The following ADAP1 variants were observed in gnomAD, a reference collection of about 807,000 sequenced individuals.
ADAP1 encodes arf-GAP with dual PH domain-containing protein 1.
Under a neutral mutation model 54.9 loss-of-function variants are expected in ADAP1, and 31 were observed. The ratio of observed to expected loss-of-function variants is 0.56; its 90% CI spans 0.42 to 0.76. The LOEUF (loss-of-function observed/expected upper bound fraction) is 0.76. Ranked by LOEUF, ADAP1 falls within the 30% of genes least tolerant of loss-of-function variation. ADAP1 has a pLI of 0.00. For synonymous variants in ADAP1, 313 were observed against 202.6 expected, an observed-to-expected ratio of 1.55 and a Z score of -4.63; for missense variants, 535 against 512.4, an observed-to-expected ratio of 1.04 and a Z score of -0.42.
chr7:916,708 G>A lies in ADAP1; in HGVS notation c.388+3260C>T, dbSNP rs531029766. Among the ~76,000 whole-genome samples, 10 of 152,294 alleles carry A rather than the reference G, an allele frequency of 6.6e-5. No individual in the cohort carries two copies. The East Asian group carries it at 1.9e-3, about 29-fold the overall frequency. On this transcript the variant is annotated intron_variant, in intron 4 of 10. Transcript: ENST00000265846. ...GAAGAAATTGCTGTCTGGGTAGACAGTAATTGAATCAGCGCCTGCACAGGC... is the reference window on the plus strand; with the variant it reads ...GAAGAAATTGCTGTCTGGGTAGACAATAATTGAATCAGCGCCTGCACAGGC...
In ADAP1 at chr7:940,330, T is replaced by TCACACACA. The variant is rs56715852; in HGVS notation, c.83-4833_83-4826dup. Among the ~76,000 whole-genome samples the TCACACACA allele has an allele frequency of 2.6e-3, 371 of 140,722 alleles. 3 individuals are homozygous for TCACACACA. Among genetic ancestry groups the TCACACACA allele is most frequent in the African/African-American group, 7.3e-3 (268 of 36,954 alleles). 92.3% of individuals were successfully genotyped at this position (140,722 alleles called of 152,430 possible). A position where few individuals can be genotyped will look rare whatever the true frequency, so the allele number is the denominator to read the frequency against. Reference sequence around the variant, plus strand: ...TCCAGCCTGGGTGTCACAGACCCTGTCACACACACACACACACACACACAC... The same window carrying TCACACACA: ...TCCAGCCTGGGTGTCACAGACCCTGTCACACACACACACACACACACACACACACACAC... On this transcript the variant is annotated intron_variant, in intron 1 of 10. Transcript: ENST00000265846.
chr7:929,184 C>T (rs1034537212), intron 2 of ADAP1, among the ~76,000 whole-genome samples: 3 of 151,498 alleles, frequency 2.0e-5, no homozygotes, highest in Admixed American at 6.6e-5. Context: ...CCCAGCTACT[C>T]GGGAGGCTGA....
At chr7:923,965 C>T (rs1474323711) in intron 3 of ADAP1, among the ~76,000 whole-genome samples, 1 of 152,112 alleles carries the variant, frequency 6.6e-6, no homozygotes, top group African/African-American at 2.4e-5. Flanking sequence ...ACGTTTGGGC[C>T]CCACGAGCCA....
intron 2 of ADAP1, 198 bp downstream of exon 2, chr7:935,177 G>A: frequency 1.3e-6 from 1 of 773,312 alleles, no homozygotes; most frequent in Non-Finnish European, 2.2e-6. Context: ...GTTGGACCCG[G>A]CACGGGGTGG....
chr7:915,055 G>A (rs1479815608), intron 4 of ADAP1, among the ~76,000 whole-genome samples: 1 of 53,124 alleles, frequency 1.9e-5, no homozygotes, highest in Non-Finnish European at 3.6e-5. Context: ...CGTGCCTGGT[G>A]CCTCCTGCGC....
rs142465805 is a variant in ADAP1, at chr7:899,331, C to T, written c.868-70G>A. ...GCCCCGCTTCACTCAGGCCAGGACT[C>T]GGGAGGCCACCCGCCCTCCTGGTCA... On this transcript the variant is annotated intron_variant, in intron 9 of 10. Coordinates refer to ENST00000265846, the MANE Select transcript of ADAP1 (RefSeq NM_006869.4). 1.8e-3 allele frequency: 2,822 copies of T among 1,604,980 alleles called. 9 individuals carry two copies. The highest frequency in any genetic ancestry group is 1.8e-3 in the Non-Finnish European group (2,138 of 1,174,062).
At chr7:904,075 G>T (rs116145502) in intron 6 of ADAP1, 51 bp downstream of exon 6, 57 of 1,601,568 alleles carry the variant, frequency 3.6e-5, no homozygotes, top group Non-Finnish European at 4.5e-5. Flanking sequence ...ACCCGGGCCT[G>T]AGGGCCCACC....
At chr7:907,883 C>CTG (rs1562916780) in intron 4 of ADAP1, among the ~76,000 whole-genome samples, 1 of 151,874 alleles carries the variant, frequency 6.6e-6, no homozygotes, top group Non-Finnish European at 1.5e-5. Context: ...GCCGCCTCTC[C>CTG]GGAGGTCGCG....
At chr7:904,569 G>A (rs1432518425) in intron 5 of ADAP1, among the ~76,000 whole-genome samples, 1 of 152,156 alleles carries the variant, frequency 6.6e-6, no homozygotes, top group Admixed American at 6.5e-5. Context: ...GCTCCCACAG[G>A]GGCAGGCCCC....
chr7:905,360 G>A (rs1159510719), intron 4 of ADAP1, 188 bp from the exon 5 acceptor site: 1 of 100,726 alleles, frequency 9.9e-6, no homozygotes, highest in Admixed American at 1.8e-4. Context: ...GATGGGCAGG[G>A]AAAGGGAAAG....
chr7:905,230 G>C, intron 4 of ADAP1, 58 bp from the exon 5 acceptor site: 2 of 1,343,484 alleles, frequency 1.5e-6, no homozygotes, highest in East Asian at 2.6e-5. Context: ...GAAACAAAAG[G>C]AGTGACGATG....
intron 3 of ADAP1, among the ~76,000 whole-genome samples, chr7:921,713 T>C (rs1583163690): frequency 6.6e-6 from 1 of 152,208 alleles, no homozygotes; most frequent in Admixed American, 6.5e-5. Context: ...GCTCCGGCTG[T>C]GTGACCACGG....
chr7:924,864 C>T (rs76293507), intron 3 of ADAP1, among the ~76,000 whole-genome samples: 3,000 of 152,240 alleles, frequency 0.02, 96 homozygotes, highest in African/African-American at 0.066. Flanking sequence ...TTAAAAATAG[C>T]TGTGCTGGGG....
intron 3 of ADAP1, among the ~76,000 whole-genome samples, chr7:922,153 A>G (rs1180953684): frequency 2.0e-5 from 3 of 152,106 alleles, no homozygotes; most frequent in Non-Finnish European, 4.4e-5. Flanking sequence ...GGCCGCACTG[A>G]CACCCCACGT....
chr7:902,417 C>T (rs1054605446), intron 6 of ADAP1, among the ~76,000 whole-genome samples: 5 of 145,950 alleles, frequency 3.4e-5, no homozygotes, highest in African/African-American at 1.3e-4. Context: ...GAGATTGCAC[C>T]ACTGCACTCC....
rs1012010048 is a variant in ADAP1 at position 938,927 on chromosome 7, A to G, written c.83-3422T>C. ...ACAGCTCCCGCCCAGCCCAGGGTCC[A>G]GAATGCCTGTGCCCACCTCCAACCT... On this transcript the variant is annotated intron_variant, in intron 1 of 10. Transcript: ENST00000265846. This position sits in a 1 kb window ranked among gnomAD's most constrained non-coding sequence, Gnocchi z 4.4. Among the ~76,000 whole-genome samples the G allele has an allele frequency of 2.0e-5, 3 of 152,180 alleles. No individual in the cohort carries two copies. The highest frequency in any genetic ancestry group is 7.2e-5 in the African/African-American group (3 of 41,446).
rs147598930 is a variant in ADAP1, at chr7:900,087, G to A, written c.795+15C>T. On this transcript the variant is annotated intron_variant, in intron 8 of 10. Coordinates refer to ENST00000265846, the MANE Select transcript of ADAP1 (RefSeq NM_006869.4). ...TACCCCAGGCCACCCCAGGCCGCAC[G>A]TGCGGCACACCCACCTTGGGCCCCG... is the stretch of plus-strand genomic sequence containing the variant. The A allele has an allele frequency of 0.01, 16,594 of 1,612,864 alleles. 126 individuals carry two copies. Among genetic ancestry groups the A allele is most frequent in the Non-Finnish European group, 0.011 (13,329 of 1,179,798 alleles).
In ADAP1 at chr7:905,314, G is replaced by GGGAGAGGGGACACGGGT. The variant is rs1554271670; in HGVS notation, c.389-143_389-142insACCCGTGTCCCCTCTCC. ...GGACACGGACAGGGGGAGACGGACG[G>GGGAGAGGGGACACGGGT]GGAGAGGGGACATGGAGGAGACAGG... On this transcript the variant is annotated intron_variant, in intron 4 of 10. Coordinates refer to ENST00000265846, the MANE Select transcript of ADAP1 (RefSeq NM_006869.4). 2.1e-3 allele frequency: 921 copies of GGGAGAGGGGACACGGGT among 433,532 alleles called. 88 individuals carry two copies. Among genetic ancestry groups the GGGAGAGGGGACACGGGT allele is most frequent in the East Asian group, 8.0e-3 (205 of 25,468 alleles). 26.9% of individuals were successfully genotyped at this position (433,532 alleles called of 1,614,324 possible). A position where few individuals can be genotyped will look rare whatever the true frequency, so the allele number is the denominator to read the frequency against.
intron 4 of ADAP1, among the ~76,000 whole-genome samples, chr7:909,831 CTG>C (rs1470325715): frequency 6.6e-6 from 1 of 151,856 alleles, no homozygotes; most frequent in Non-Finnish European, 1.5e-5. Flanking sequence ...GCTGGTCCCG[CTG>C]TGTGTCGGGT....
Sources: allele counts gnomAD v4.1 joint callset (sites outside exome capture counted in the v4.1 genomes callset), GRCh38; gene constraint gnomAD v4.1.1; non-coding constraint Gnocchi (gnomAD v3.1); transcripts MANE v1.5; gene names NCBI Gene and HGNC (gene_info 2026-07-23, HGNC 2026-07-21).